The following ZDBF2 variants were observed in gnomAD, a reference collection of about 807,000 sequenced individuals.
ZDBF2 encodes the protein zinc finger DBF-type containing 2, also known as DBF4-type zinc finger-containing protein 2.
In ZDBF2, 6 loss-of-function variants were observed where a neutral mutation model predicts 9.4. The ratio of observed to expected loss-of-function variants is 0.64; its 90% CI spans 0.35 to 1.27. ZDBF2 has a LOEUF of 1.27. Among genes scored for constraint, ZDBF2 ranks in the 50% most tolerant of loss-of-function variants. The probability of loss-of-function intolerance (pLI) is 0.03; values close to 1 mark genes in which losing one functional copy is unlikely to be tolerated. For missense variants in ZDBF2, 2,697 were observed against 2,766.8 expected, an observed-to-expected ratio of 0.97 and a Z score of 0.57; for synonymous variants, 905 against 946.3, an observed-to-expected ratio of 0.96 and a Z score of 0.80.
Position 206,307,382 on chromosome 2 carries a change from A to G in ZDBF2, c.2854A>G (p.Ser952Gly). The part of the protein sequence containing the change: ...TKEHMYLENK[S>G]VFETSLDSDV... ...AGAGCACATGTACTTAGAAAATAAGAGTGTTTTTGAAACAAGTTTGGATTC... is the reference window on the plus strand; with the variant it reads ...AGAGCACATGTACTTAGAAAATAAGGGTGTTTTTGAAACAAGTTTGGATTC... The change falls in exon 5 of 5, where the codon AGT (serine) becomes GGT (glycine). Residue 952 changes from serine (S) to glycine (G), a missense_variant. Physicochemically the swap from Ser to Gly is moderately conservative, Grantham distance 56. This residue lies in a region of ZDBF2 where 1,783 missense variants were observed against 1,776.5 expected (regional missense o/e 1.00). Transcript: ENST00000374423. 6.2e-7 allele frequency: 1 copy of G among 1,613,188 alleles called. No individual in the cohort carries two copies. The highest frequency in any genetic ancestry group is 8.5e-7 in the Non-Finnish European group (1 of 1,179,688).
rs1358710570 is a variant in ZDBF2 at position 206,306,438 on chromosome 2, A to G, written c.1910A>G (p.Asp637Gly). 2 of 1,613,868 alleles carry G rather than the reference A, an allele frequency of 1.2e-6. No individual in the cohort carries two copies. The highest frequency in any genetic ancestry group is 2.2e-5 in the East Asian group (1 of 44,872). Residue 637 changes from aspartate (D) to glycine (G), a missense_variant, in exon 5 of 5, where the codon GAT (aspartate) becomes GGT (glycine). This residue lies in a region of ZDBF2 where 910 missense variants were observed against 973.6 expected (regional missense o/e 0.93). Coordinates refer to ENST00000374423, the MANE Select transcript of ZDBF2 (RefSeq NM_020923.3). ...GATGTCTCACTTGGGACAGTTGCAG[A>G]TGAATCCCAGAGGGCTGTTGAAAAG... ...DCDVSLGTVA[D>G]ESQRAVEKIN...
At position 206,306,493 on chromosome 2, in the gene ZDBF2, C is replaced by T; in HGVS notation, c.1965C>T (p.Asp655=). The T allele has an allele frequency of 6.2e-7, 1 of 1,613,766 alleles. No homozygotes were observed. Among genetic ancestry groups the T allele is most frequent in the South Asian group, 1.1e-5 (1 of 91,080 alleles). Residue 655 remains aspartate (D), a synonymous_variant, in exon 5 of 5, where the codon GAC becomes GAT. Transcript: ENST00000374423. ...ATCTTCTGAAGGAGAAGAATGCTGA[C>T]CTTATGGATATGAACTGTGAATCCC... The part of the protein sequence containing the change: ...KINLLKEKNA[D]LMDMNCESHG...
In ZDBF2 at chr2:206,308,951, G is replaced by C. The variant is rs773266706; in HGVS notation, c.4423G>C (p.Glu1475Gln). Reference protein sequence around the residue: ...EVDQPQVSYKEADLQKEEHVV... With the variant: ...EVDQPQVSYKQADLQKEEHVV... ...TGACCAACCTCAAGTGTCTTACAAAGAGGCAGACCTTCAGAAGGAAGAGCA... is the reference window on the plus strand; with the variant it reads ...TGACCAACCTCAAGTGTCTTACAAACAGGCAGACCTTCAGAAGGAAGAGCA... The change falls in exon 5 of 5, where the codon GAG becomes CAG. Residue 1475 changes from glutamate (E) to glutamine (Q), a missense_variant. This residue lies in a region of ZDBF2 where 1,783 missense variants were observed against 1,776.5 expected (regional missense o/e 1.00). Coordinates refer to ENST00000374423, the MANE Select transcript of ZDBF2 (RefSeq NM_020923.3). 8 of 1,613,380 alleles carry C rather than the reference G, an allele frequency of 5.0e-6. No individual in the cohort carries two copies. The highest frequency in any genetic ancestry group is 6.8e-6 in the Non-Finnish European group (8 of 1,179,662).
chr2:206,278,962 C>CT (rs529379087), intron 1 of ZDBF2, among the ~76,000 whole-genome samples: 3 of 152,126 alleles, frequency 2.0e-5, no homozygotes, highest in Non-Finnish European at 4.4e-5. Context: ...TGAGTGGGTG[C>CT]TTAATAGTTA....
At position 206,283,502 on chromosome 2, in the gene ZDBF2, G is replaced by T. The variant is rs116266227; in HGVS notation, c.60+1593G>T. On this transcript the variant is annotated intron_variant, in intron 3 of 4. Coordinates refer to ENST00000374423, the MANE Select transcript of ZDBF2 (RefSeq NM_020923.3). Reference sequence around the variant, plus strand: ...TATAGTGTCTTTTCATTGGGCATTTGTATATCTTGTTTAGAGGAATGCCTC... The same window carrying T: ...TATAGTGTCTTTTCATTGGGCATTTTTATATCTTGTTTAGAGGAATGCCTC... 8.0e-3 allele frequency among the ~76,000 whole-genome samples: 1,214 copies of T among 152,052 alleles called. 17 individuals carry two copies. The highest frequency in any genetic ancestry group is 0.028 in the African/African-American group (1,161 of 41,468).
Position 206,311,484 on chromosome 2 carries a change from C to G in ZDBF2, c.6956C>G (p.Pro2319Arg). The G allele has an allele frequency of 6.2e-7, 1 of 1,609,050 alleles. No individual in the cohort carries two copies. Among genetic ancestry groups the G allele is most frequent in the South Asian group, 1.1e-5 (1 of 90,006 alleles). The change falls in exon 5 of 5, where the codon CCT (proline) becomes CGT (arginine). Residue 2319 changes from proline to arginine, a missense_variant. Physicochemically the swap from Pro to Arg is moderately radical, Grantham distance 103. Around this residue, in one of 3 missense-constraint regions of ZDBF2, gnomAD observed 1,783 missense variants for 1,776.5 expected, o/e 1.00. Transcript: ENST00000374423. The stretch of plus-strand genomic sequence containing the variant: ...AGCTACCATGGCCGACAGAAAGGTC[C>G]TTCTACACCTGTGAGAGCATATGAT... ...DESYHGRQKG[P>R]STPVRAYDLR... is the part of the protein sequence containing the mutation.
intron 1 of ZDBF2, among the ~76,000 whole-genome samples, chr2:206,278,632 C>A (rs942752287): frequency 6.6e-6 from 1 of 152,180 alleles, no homozygotes; most frequent in Non-Finnish European, 1.5e-5. Flanking sequence ...AATTTACTAT[C>A]TCCAAATGTA....
In ZDBF2 at chr2:206,311,359, TG is replaced by T. The variant is rs753849384; in HGVS notation, c.6833del (p.Gly2278ValfsTer46). 5.7e-5 allele frequency: 92 copies of T among 1,606,132 alleles called. 1 individual carries two copies. In the South Asian group the frequency reaches 9.6e-4, roughly 17 times the overall value. On this transcript the variant is annotated frameshift_variant, in exon 5 of 5. Transcript: ENST00000374423. LOFTEE classifies it low-confidence loss of function (END_TRUNC). Reference protein sequence around the residue: ...VLLNSSVPPAGAEELSSAMAN... With the variant: ...VLLNSSVPPAXAEELSSAMAN... Reference sequence around the variant, plus strand: ...TTTTGAACTCTTCAGTTCCACCAGCTGGTGCCGAAGAGCTGTCAAGCGCTAT... The same window carrying T: ...TTTTGAACTCTTCAGTTCCACCAGCTGTGCCGAAGAGCTGTCAAGCGCTAT...
Position 206,306,062 on chromosome 2 carries a change from T to C in ZDBF2, c.1534T>C (p.Ser512Pro). ...PQSTSDYPQQ[S>P]VTEVNLPKEV... is the part of the protein sequence containing the mutation. Reference sequence around the variant, plus strand: ...GTCCACTAGTGACTACCCCCAACAATCTGTAACAGAAGTAAACCTTCCTAA... The same window carrying C: ...GTCCACTAGTGACTACCCCCAACAACCTGTAACAGAAGTAAACCTTCCTAA... Residue 512 changes from serine (S) to proline (P), a missense_variant, in exon 5 of 5, where the codon TCT (serine) becomes CCT (proline). Physicochemically the swap from Ser to Pro is moderately conservative, Grantham distance 74. Coordinates refer to ENST00000374423, the MANE Select transcript of ZDBF2 (RefSeq NM_020923.3). The C allele has an allele frequency of 6.2e-7, 1 of 1,613,780 alleles. No homozygotes were observed. The highest frequency in any genetic ancestry group is 8.5e-7 in the Non-Finnish European group (1 of 1,179,806).
chr2:206,308,996 AC>A lies in ZDBF2; in HGVS notation c.4470del (p.Asp1491IlefsTer8). ...AGAGCATGTTGTCATGGAAGAAAAG[AC>A]CGATCAACCTAGTGATTCAGAAATG... ...KEEHVVMEEK[T>X]DQPSDSEMMY... On this transcript the variant is annotated frameshift_variant, in exon 5 of 5. Coordinates refer to ENST00000374423, the MANE Select transcript of ZDBF2 (RefSeq NM_020923.3). LOFTEE classifies it low-confidence loss of function (END_TRUNC). The A allele has an allele frequency of 6.2e-7, 1 of 1,613,854 alleles. No homozygotes were observed. The highest frequency in any genetic ancestry group is 8.5e-7 in the Non-Finnish European group (1 of 1,179,848).
At chr2:206,291,532 A>G (rs1691899209) in intron 3 of ZDBF2, among the ~76,000 whole-genome samples, 1 of 152,132 alleles carries the variant, frequency 6.6e-6, no homozygotes, top group Non-Finnish European at 1.5e-5. Flanking sequence ...AAGGCCGCCA[A>G]TCCTATTGAA....
chr2:206,295,015 A>G (rs1274826496), intron 3 of ZDBF2, among the ~76,000 whole-genome samples: 1 of 152,148 alleles, frequency 6.6e-6, no homozygotes, highest in Non-Finnish European at 1.5e-5. Flanking sequence ...TGAAAGCATC[A>G]TAATTTAGAT....
intron 3 of ZDBF2, among the ~76,000 whole-genome samples, chr2:206,294,364 C>A (rs1226230069): frequency 6.6e-6 from 1 of 152,110 alleles, no homozygotes; most frequent in African/African-American, 2.4e-5. Flanking sequence ...TGTTATACAT[C>A]AATTCAAAAA....
Position 206,314,204 on chromosome 2 carries a change from A to C in ZDBF2, c.*2611A>C, listed in dbSNP as rs1693301281. 2 of 148,940 alleles carry C rather than the reference A, an allele frequency of 1.3e-5. No individual in the cohort carries two copies. Among genetic ancestry groups the C allele is most frequent in the Admixed American group, 6.7e-5 (1 of 14,942 alleles). 9.2% of individuals were successfully genotyped at this position (148,940 alleles called of 1,614,324 possible). On this transcript the variant is annotated 3_prime_UTR_variant, in exon 5 of 5. Transcript: ENST00000374423. ...TACAGTATGTGAACAATATCGTGTGAAGTGTGTTTTTGCATTTGTGCATTT... is the reference window on the plus strand; with the variant it reads ...TACAGTATGTGAACAATATCGTGTGCAGTGTGTTTTTGCATTTGTGCATTT...
chr2:206,284,563 T>G (rs895100160), intron 3 of ZDBF2, among the ~76,000 whole-genome samples: 5 of 152,182 alleles, frequency 3.3e-5, no homozygotes, highest in Non-Finnish European at 7.3e-5. Context: ...CTATCTAGCT[T>G]TAATTTTGTA....
chr2:206,308,776 TC>T lies in ZDBF2; in HGVS notation c.4250del (p.Pro1417LeufsTer5). 1 of 1,613,832 alleles carries T rather than the reference TC, an allele frequency of 6.2e-7. No individual in the cohort carries two copies. ...TTGATGTAAGTTATGCTTCTCATATTCCTGTTCAGTTTGTGACTGATCAATC... is the reference window on the plus strand; with the variant it reads ...TTGATGTAAGTTATGCTTCTCATATTCTGTTCAGTTTGTGACTGATCAATC... Reference protein sequence around the residue: ...DFDVSYASHIPVQFVTDQSSV... With the variant: ...DFDVSYASHIXVQFVTDQSSV... On this transcript the variant is annotated frameshift_variant, in exon 5 of 5. Transcript: ENST00000374423. LOFTEE classifies it low-confidence loss of function (END_TRUNC).
intron 3 of ZDBF2, among the ~76,000 whole-genome samples, chr2:206,293,562 G>A (rs1692009310): frequency 6.6e-6 from 1 of 152,134 alleles, no homozygotes; most frequent in South Asian, 2.1e-4. Flanking sequence ...CCTGAATAGG[G>A]AATTTCTACA....
At chr2:206,277,763 A>G (rs1212580167) in intron 1 of ZDBF2, among the ~76,000 whole-genome samples, 1 of 151,576 alleles carries the variant, frequency 6.6e-6, no homozygotes, top group Non-Finnish European at 1.5e-5. Flanking sequence ...TCCCCATACT[A>G]AAAATACCAA....
Position 206,274,959 on chromosome 2 carries a change from G to T in ZDBF2, c.-103+13G>T, listed in dbSNP as rs1318532942. On this transcript the variant is annotated intron_variant, in intron 1 of 4. Transcript: ENST00000374423. ...AGCCTCCGCGGAGGTGAGTGCCGCG[G>T]CGGGGGCGGGGCGCGGCCGGGGCGA... 6.7e-6 allele frequency: 1 copy of T among 150,078 alleles called. No individual in the cohort carries two copies. The highest frequency in any genetic ancestry group is 1.5e-5 in the Non-Finnish European group (1 of 67,438). The allele number at this position is 150,078 out of a possible 1,614,324, so 9.3% of individuals were successfully genotyped here. A position where few individuals can be genotyped will look rare whatever the true frequency, so the allele number is the denominator to read the frequency against.
Sources: allele counts gnomAD v4.1 joint callset (sites outside exome capture counted in the v4.1 genomes callset), GRCh38; gene constraint gnomAD v4.1.1; regional missense constraint gnomAD v4.1.1; transcripts MANE v1.5; gene names NCBI Gene and HGNC (gene_info 2026-07-23, HGNC 2026-07-21).